The following PCCA variants were observed in gnomAD, a reference collection of about 807,000 sequenced individuals.
PCCA encodes propionyl-CoA carboxylase subunit alpha, also known as propionyl-CoA carboxylase alpha chain, mitochondrial.
In PCCA, 74 loss-of-function variants were observed where a neutral mutation model predicts 101.3. The observed-to-expected ratio is 0.73, with a 90% CI of 0.61 to 0.89. The LOEUF is 0.89. Among genes scored for constraint, PCCA ranks in the 40% least tolerant of loss-of-function variants. The pLI is 0.00. For synonymous variants in PCCA, 294 were observed against 313.6 expected (o/e 0.94, Z 0.66); for missense variants, 891 against 907.0 (o/e 0.98, Z 0.23).
At chr13:100,307,116 G>A in intron 14 of PCCA, 76 bp from the exon 15 acceptor site, 1 of 938,386 alleles carries the variant, frequency 1.1e-6, no homozygotes, top group Non-Finnish European at 1.7e-6. Context: ...TTTTCTCCAT[G>A]GAAATGAAAT....
At chr13:100,137,169 C>T (rs545666234) in intron 4 of PCCA, among the ~76,000 whole-genome samples, 14 of 151,942 alleles carry the variant, frequency 9.2e-5, no homozygotes, top group Admixed American at 6.5e-4. Context: ...TTTCTACTGT[C>T]TTTCTGTTAT....
chr13:100,172,931 A>G (rs1366850866), intron 6 of PCCA, among the ~76,000 whole-genome samples: 1 of 152,204 alleles, frequency 6.6e-6, no homozygotes, highest in Non-Finnish European at 1.5e-5. Context: ...CTACCGGACT[A>G]TGCTACCTCT....
At chr13:100,453,254 C>T (rs895555251) in intron 21 of PCCA, among the ~76,000 whole-genome samples, 2 of 152,060 alleles carry the variant, frequency 1.3e-5, no homozygotes, top group Admixed American at 6.5e-5. Context: ...GTAATCCCAG[C>T]GCTTTGGGAG....
At chr13:100,391,448 T>C (rs1159245818) in intron 19 of PCCA, among the ~76,000 whole-genome samples, 1 of 152,154 alleles carries the variant, frequency 6.6e-6, no homozygotes, top group Non-Finnish European at 1.5e-5. Context: ...GGAGCAAGAA[T>C]TGACTTAAAC....
intron 22 of PCCA, among the ~76,000 whole-genome samples, chr13:100,525,688 G>A (rs1039674759): frequency 1.3e-5 from 2 of 152,244 alleles, no homozygotes; most frequent in Non-Finnish European, 2.9e-5. Flanking sequence ...GGGAGGGGAC[G>A]TGTGGTGGAA....
intron 19 of PCCA, among the ~76,000 whole-genome samples, chr13:100,398,602 A>G (rs2077170104): frequency 6.6e-6 from 1 of 152,182 alleles, no homozygotes; most frequent in Non-Finnish European, 1.5e-5. Flanking sequence ...TGTTCTGTTA[A>G]TGAAGTTGCT....
At chr13:100,527,615 C>T (rs555559912) in intron 22 of PCCA, 60 bp from the exon 23 acceptor site, 7 of 1,152,336 alleles carry the variant, frequency 6.1e-6, no homozygotes, top group Admixed American at 1.7e-5. Flanking sequence ...TGGCTTCATT[C>T]CTAAGTGTTA....
chr13:100,122,468 CTT>C (rs2049502783), intron 4 of PCCA, among the ~76,000 whole-genome samples: 1 of 151,994 alleles, frequency 6.6e-6, no homozygotes, highest in Non-Finnish European at 1.5e-5. Context: ...CTGGGCTTCT[CTT>C]TGGTTAGTTT....
intron 6 of PCCA, among the ~76,000 whole-genome samples, chr13:100,190,279 A>G (rs976227711): frequency 2.0e-5 from 3 of 152,228 alleles, no homozygotes; most frequent in Non-Finnish European, 4.4e-5. Context: ...GTAAGGCCAA[A>G]AATTCAAAAG....
Position 100,214,073 on chromosome 13 carries a change from G to T in PCCA, c.600+4610G>T, listed in dbSNP as rs371789094. The stretch of plus-strand genomic sequence containing the variant: ...GATTTATTTCTGGGTTCTCTATTCT[G>T]TTCTATTGGTCTATGCCAGTACTAT... On this transcript the variant is annotated intron_variant, in intron 7 of 23. Coordinates refer to ENST00000376285, the MANE Select transcript of PCCA (RefSeq NM_000282.4). Among the ~76,000 whole-genome samples the T allele has an allele frequency of 9.5e-4, 145 of 152,150 alleles. 4 individuals are homozygous for T. The South Asian group carries it at 0.027, about 29-fold the overall frequency.
intron 1 of PCCA, among the ~76,000 whole-genome samples, chr13:100,098,797 G>A (rs1018507930): frequency 3.9e-5 from 6 of 152,124 alleles, no homozygotes; most frequent in Middle Eastern, 3.2e-3. Context: ...TCAAATATTA[G>A]GTGTTCAACT....
rs558676015 is a variant in PCCA at position 100,150,857 on chromosome 13, G to A, written c.301-4122G>A. ...ACCATGATGGACAGGCTTGCCATAA[G>A]TTGCACCCTTAGGAACTGGGCGTTT... On this transcript the variant is annotated intron_variant, in intron 4 of 23. Coordinates refer to ENST00000376285, the MANE Select transcript of PCCA (RefSeq NM_000282.4). 5 of 1,576,054 alleles carry A rather than the reference G, an allele frequency of 3.2e-6. No homozygotes were observed. In the African/African-American group the frequency reaches 4.0e-5, roughly 13 times the overall value.
At chr13:100,465,718 T>A (rs374882585) in intron 21 of PCCA, among the ~76,000 whole-genome samples, 1 of 152,200 alleles carries the variant, frequency 6.6e-6, no homozygotes, top group Non-Finnish European at 1.5e-5. Context: ...TCTCCAGATA[T>A]AACAACTAAA....
rs1300208215 is a variant in PCCA at position 100,472,933 on chromosome 13, A to G, written c.1899+23628A>G. Among the ~76,000 whole-genome samples the G allele has an allele frequency of 2.0e-5, 3 of 152,150 alleles. No individual in the cohort carries two copies. In the South Asian group the frequency reaches 6.2e-4, roughly 31 times the overall value. ...GTGAACCTAGAAGTAACCAGATTTT[A>G]GGAAACTGACCTATAGTGAGCAAAC... On this transcript the variant is annotated intron_variant, in intron 21 of 23. Transcript: ENST00000376285.
rs1458586257 is a variant in PCCA, at chr13:100,264,216, CTCATATATATGTGATATCTGTATA to C, written c.819+1409_819+1432del. 9.7e-5 allele frequency among the ~76,000 whole-genome samples: 10 copies of C among 103,430 alleles called. 1 individual carries two copies. The highest frequency in any genetic ancestry group is 5.8e-4 in the Admixed American group (6 of 10,352). 67.9% of individuals were successfully genotyped at this position (103,430 alleles called of 152,430 possible). A position where few individuals can be genotyped will look rare whatever the true frequency, so the allele number is the denominator to read the frequency against. On this transcript the variant is annotated intron_variant, in intron 10 of 23. Coordinates refer to ENST00000376285, the MANE Select transcript of PCCA (RefSeq NM_000282.4). The stretch of plus-strand genomic sequence containing the variant: ...TATATCATATATGTGATATCTGTAT[CTCATATATATGTGATATCTGTATA>C]TCATATATATGTGATATCTGTATCT...
intron 7 of PCCA, among the ~76,000 whole-genome samples, chr13:100,234,058 G>A (rs972323140): frequency 1.3e-5 from 2 of 152,110 alleles, no homozygotes; most frequent in Admixed American, 6.6e-5. Context: ...CTCTCATCAC[G>A]TTGGAAAGAA....
intron 18 of PCCA, among the ~76,000 whole-genome samples, chr13:100,359,830 A>T (rs79073473): frequency 6.6e-6 from 1 of 152,240 alleles, no homozygotes; most frequent in African/African-American, 2.4e-5. Flanking sequence ...CTGCTCATGG[A>T]CTGGAAGAGA....
chr13:100,282,212 A>G (rs969081463), intron 12 of PCCA, among the ~76,000 whole-genome samples: 1 of 152,158 alleles, frequency 6.6e-6, no homozygotes, highest in African/African-American at 2.4e-5. Context: ...CTTTGTGAAT[A>G]TTTTCATAGG....
At chr13:100,368,377 G>T in intron 18 of PCCA, 95 bp from the exon 19 acceptor site, 1 of 735,144 alleles carries the variant, frequency 1.4e-6, no homozygotes, top group South Asian at 1.6e-5. Context: ...TTCAATGGCA[G>T]TTTTAGCCTG....
Sources: gnomAD v4.1 joint callset for allele counts (sites outside exome capture counted in the v4.1 genomes callset) on GRCh38, gnomAD v4.1.1 for gene constraint, MANE v1.5 for transcripts, NCBI Gene and HGNC (gene_info 2026-07-23, HGNC 2026-07-21) for gene names.